The following GPC5 variants were observed in gnomAD, a reference collection of about 807,000 sequenced individuals.
The protein encoded by GPC5 is glypican-5.
Under a neutral mutation model 53.9 loss-of-function variants are expected in GPC5, and 47 were observed. The ratio of observed to expected loss-of-function variants is 0.87; its 90% CI spans 0.69 to 1.11. GPC5 has a LOEUF of 1.11. Ranked by LOEUF, GPC5 falls within the 50% of genes most tolerant of loss-of-function variation. The pLI is 0.00. For synonymous variants in GPC5, 286 were observed against 263.3 expected (o/e 1.09, Z -0.84); for missense variants, 748 against 713.1 (o/e 1.05, Z -0.56).
chr13:91,644,969 T>G (rs1232251880), intron 2 of GPC5, among the ~76,000 whole-genome samples: 1 of 152,250 alleles, frequency 6.6e-6, no homozygotes, highest in African/African-American at 2.4e-5. Flanking sequence ...TGGATTTAAA[T>G]GATTGAAGTT....
intron 7 of GPC5, among the ~76,000 whole-genome samples, chr13:92,443,754 G>A (rs1377442960): frequency 6.6e-6 from 1 of 152,218 alleles, no homozygotes; most frequent in African/African-American, 2.4e-5. Context: ...GCAGCAAAAA[G>A]ATGCAGTAGC....
chr13:91,404,168 A>G (rs949297280), intron 1 of GPC5, among the ~76,000 whole-genome samples: 1 of 152,190 alleles, frequency 6.6e-6, no homozygotes, highest in Non-Finnish European at 1.5e-5. Context: ...ATCCACTTTC[A>G]CATTGTCCTT....
chr13:92,436,056 T>A (rs917112858), intron 7 of GPC5, among the ~76,000 whole-genome samples: 5 of 152,202 alleles, frequency 3.3e-5, no homozygotes, highest in Non-Finnish European at 2.9e-5. Flanking sequence ...GACTATTCTG[T>A]TATTTTGATA....
At chr13:91,802,699 G>A (rs184801651) in intron 5 of GPC5, among the ~76,000 whole-genome samples, 132 of 152,180 alleles carry the variant, frequency 8.7e-4, no homozygotes, top group Middle Eastern at 3.4e-3. Flanking sequence ...GTCCCCAGCC[G>A]ACCCGGAAGC....
In GPC5 at chr13:92,821,599, T is replaced by C. The variant is rs184172498; in HGVS notation, c.1562-44683T>C. The stretch of plus-strand genomic sequence containing the variant: ...TTTTCCTTTATCTTCTGTGTTGCTT[T>C]CTCAGCATTTGCCACAGGATGCATT... On this transcript the variant is annotated intron_variant, in intron 7 of 7. Transcript: ENST00000377067. 2.6e-5 allele frequency among the ~76,000 whole-genome samples: 4 copies of C among 152,262 alleles called. No individual in the cohort carries two copies. In the East Asian group the frequency reaches 5.8e-4, roughly 22 times the overall value.
intron 6 of GPC5, among the ~76,000 whole-genome samples, chr13:91,989,975 T>C (rs1195167880): frequency 6.6e-6 from 1 of 152,172 alleles, no homozygotes; most frequent in Non-Finnish European, 1.5e-5. Context: ...GTGTGACACA[T>C]AAAGTTAAAA....
intron 7 of GPC5, among the ~76,000 whole-genome samples, chr13:92,483,002 A>T (rs1879415404): frequency 6.6e-6 from 1 of 152,186 alleles, no homozygotes; most frequent in Non-Finnish European, 1.5e-5. Flanking sequence ...GGCACGTCTT[A>T]CATGGCAGCA....
At chr13:91,498,205 TAAATATTGTCTTTTCAGA>T (rs1360050902) in intron 2 of GPC5, among the ~76,000 whole-genome samples, 3 of 150,724 alleles carry the variant, frequency 2.0e-5, no homozygotes, top group Non-Finnish European at 4.4e-5. Flanking sequence ...GATTTTTGCT[TAAATATTGTCTTTTCAGA>T]AATCTCTACC....
At chr13:92,691,506 A>G (rs1215951478) in intron 7 of GPC5, among the ~76,000 whole-genome samples, 1 of 151,000 alleles carries the variant, frequency 6.6e-6, no homozygotes, top group Non-Finnish European at 1.5e-5. Context: ...TCAGATGGAA[A>G]TGCAGAAATC....
rs531342155 is a variant in GPC5, at chr13:91,616,353, T to G, written c.326-76834T>G. On this transcript the variant is annotated intron_variant, in intron 2 of 7. Transcript: ENST00000377067. ...AAAATGGCTCTAGAAACAGTATCTA[T>G]GAGGCTTAGAAACATAGGAAATAAG... 3.9e-5 allele frequency among the ~76,000 whole-genome samples: 6 copies of G among 152,244 alleles called. No individual in the cohort carries two copies. The East Asian group carries it at 1.2e-3, about 29-fold the overall frequency.
intron 2 of GPC5, among the ~76,000 whole-genome samples, chr13:91,466,259 T>C (rs139388966): frequency 1.9e-3 from 285 of 152,302 alleles, no homozygotes; most frequent in African/African-American, 6.6e-3. Flanking sequence ...TGTGGGTCTC[T>C]ACAGCTTCCC....
intron 7 of GPC5, among the ~76,000 whole-genome samples, chr13:92,834,989 T>G (rs747768052): frequency 2.0e-5 from 3 of 152,146 alleles, no homozygotes; most frequent in Non-Finnish European, 4.4e-5. Context: ...CTTGCCCCTG[T>G]CAATTTCTTC....
intron 7 of GPC5, among the ~76,000 whole-genome samples, chr13:92,760,555 T>A (rs571395106): frequency 6.6e-6 from 1 of 152,222 alleles, no homozygotes; most frequent in East Asian, 1.9e-4. Context: ...TATTTAAGAC[T>A]TGTTTTTTTT....
At chr13:91,781,867 A>C (rs868531264) in intron 5 of GPC5, among the ~76,000 whole-genome samples, 4 of 152,182 alleles carry the variant, frequency 2.6e-5, no homozygotes, top group African/African-American at 9.7e-5. Flanking sequence ...CCTTTCTTCA[A>C]ATGAAGGTTC....
At chr13:92,356,325 G>A (rs1195366964) in intron 7 of GPC5, among the ~76,000 whole-genome samples, 4 of 152,164 alleles carry the variant, frequency 2.6e-5, no homozygotes, top group Admixed American at 2.6e-4. Flanking sequence ...AGTGGGCATT[G>A]TCGGCCCTAT....
At chr13:91,572,173 A>G (rs1297162284) in intron 2 of GPC5, among the ~76,000 whole-genome samples, 2 of 89,690 alleles carry the variant, frequency 2.2e-5, no homozygotes, top group South Asian at 6.0e-4. Context: ...ACACATATGT[A>G]TATATACGTG....
intron 3 of GPC5, among the ~76,000 whole-genome samples, chr13:91,720,008 T>C (rs1400320966): frequency 2.0e-5 from 3 of 152,298 alleles, no homozygotes; most frequent in Non-Finnish European, 2.9e-5. Context: ...CTATGGAAAA[T>C]GTTGTCTCAC....
chr13:92,708,725 G>A (rs1209255254), intron 7 of GPC5, among the ~76,000 whole-genome samples: 1 of 151,652 alleles, frequency 6.6e-6, no homozygotes, highest in East Asian at 1.9e-4. Context: ...TTGGGGAGAA[G>A]AGATGTTATT....
intron 7 of GPC5, among the ~76,000 whole-genome samples, chr13:92,775,202 C>G (rs1233325835): frequency 6.6e-6 from 1 of 152,132 alleles, no homozygotes; most frequent in Admixed American, 6.5e-5. Flanking sequence ...ATAAGCTTCA[C>G]TATTAAGTGC....
Sources: gnomAD v4.1 joint callset for allele counts (sites outside exome capture counted in the v4.1 genomes callset) on GRCh38, gnomAD v4.1.1 for gene constraint, MANE v1.5 for transcripts, NCBI Gene and HGNC (gene_info 2026-07-23, HGNC 2026-07-21) for gene names.